TNNI3K: variants seen among roughly 807,000 people sequenced by gnomAD.
The protein encoded by TNNI3K is serine/threonine-protein kinase TNNI3K.
TNNI3K carries 140 observed loss-of-function variants against 114.5 expected under a neutral mutation model. The ratio of observed to expected loss-of-function variants is 1.22; its 90% CI spans 1.07 to 1.41. The LOEUF is 1.41. TNNI3K is among the 40% of genes most tolerant of loss of function. TNNI3K has a pLI of 0.00. For missense variants in TNNI3K, 1,125 were observed against 1,007.6 expected (o/e 1.12, Z -1.58); for synonymous variants, 347 against 347.5 (o/e 1.00, Z 0.02).
intron 5 of TNNI3K, among the ~76,000 whole-genome samples, chr1:74,301,357 G>A (rs1658321447): frequency 6.6e-6 from 1 of 152,128 alleles, no homozygotes; most frequent in African/African-American, 2.4e-5. Context: ...CCGAGATCGA[G>A]CCACTGCACC....
chr1:74,338,324 A>G (rs1570484322), intron 7 of TNNI3K, among the ~76,000 whole-genome samples: 1 of 152,118 alleles, frequency 6.6e-6, no homozygotes, highest in African/African-American at 2.4e-5. Flanking sequence ...ATCAGTTGAT[A>G]GAATAGAATT....
intron 23 of TNNI3K, among the ~76,000 whole-genome samples, chr1:74,508,404 T>C (rs1360731087): frequency 6.6e-6 from 1 of 152,222 alleles, no homozygotes; most frequent in East Asian, 1.9e-4. Flanking sequence ...AAGAAGGTAT[T>C]ATGATTTTTT....
intron 17 of TNNI3K, chr1:74,376,870 G>C (rs996599777): frequency 6.9e-6 from 1 of 145,620 alleles, no homozygotes; most frequent in African/African-American, 2.5e-5. Context: ...GACTGATTCA[G>C]CATGTCTTAC....
intron 17 of TNNI3K, among the ~76,000 whole-genome samples, chr1:74,386,060 C>T (rs543280522): frequency 6.6e-6 from 1 of 152,302 alleles, no homozygotes; most frequent in East Asian, 1.9e-4. Context: ...GATCTGATGG[C>T]TTTACAAAAG....
At chr1:74,358,303 G>T (rs1013791267) in intron 11 of TNNI3K, among the ~76,000 whole-genome samples, 7 of 152,218 alleles carry the variant, frequency 4.6e-5, no homozygotes, top group Non-Finnish European at 8.8e-5. Context: ...GTGACAGGAA[G>T]CTGGAGGTGG....
At chr1:74,397,727 A>T (rs139551858) in intron 17 of TNNI3K, among the ~76,000 whole-genome samples, 1 of 152,326 alleles carries the variant, frequency 6.6e-6, no homozygotes, top group East Asian at 1.9e-4. Context: ...CTGTTTGTGG[A>T]TGGGTCATCC....
In TNNI3K at chr1:74,521,273, T is replaced by C. The variant is rs542653650; in HGVS notation, c.2352-18961T>C. On this transcript the variant is annotated intron_variant, in intron 23 of 24. Transcript: ENST00000326637. Reference sequence around the variant, plus strand: ...TGCGATCTTGCCCAAGCTCATTAACTTCTTTCTAGTTGCTCTTTGCTTCCT... The same window carrying C: ...TGCGATCTTGCCCAAGCTCATTAACCTCTTTCTAGTTGCTCTTTGCTTCCT... Among the ~76,000 whole-genome samples, 30 of 152,276 alleles carry C rather than the reference T, an allele frequency of 2.0e-4. No individual in the cohort carries two copies. The South Asian group carries it at 6.0e-3, about 31-fold the overall frequency.
At chr1:74,497,207 C>G (rs181448844) in intron 23 of TNNI3K, among the ~76,000 whole-genome samples, 164 of 152,136 alleles carry the variant, frequency 1.1e-3, no homozygotes, top group African/African-American at 3.7e-3. Flanking sequence ...ACTGATGTTC[C>G]TAGGAAGAAT....
intron 5 of TNNI3K, among the ~76,000 whole-genome samples, chr1:74,274,298 G>A (rs1384492635): frequency 6.6e-6 from 1 of 151,948 alleles, no homozygotes; most frequent in African/African-American, 2.4e-5. Context: ...AGGAGGAGGA[G>A]GAAGAGGAGG....
At chr1:74,500,224 G>T (rs562389675) in intron 23 of TNNI3K, among the ~76,000 whole-genome samples, 20 of 151,750 alleles carry the variant, frequency 1.3e-4, no homozygotes, top group African/African-American at 4.6e-4. Context: ...TGATTTCATT[G>T]TTTTATACAA....
Position 74,395,630 on chromosome 1 carries a change from G to A in TNNI3K, c.1772+25238G>A, listed in dbSNP as rs140431344. ...CTGAGATGTATCTAAGATACGAAGC[G>A]AGTGCAGAGTCCCAATCCGTGGTTA... is the stretch of plus-strand genomic sequence containing the variant. On this transcript the variant is annotated intron_variant, in intron 17 of 24. Transcript: ENST00000326637. Among the ~76,000 whole-genome samples the A allele has an allele frequency of 4.6e-3, 704 of 152,260 alleles. 6 individuals are homozygous for A. The highest frequency in any genetic ancestry group is 8.1e-3 in the Non-Finnish European group (550 of 68,030).
intron 4 of TNNI3K, among the ~76,000 whole-genome samples, chr1:74,252,784 G>C (rs566241756): frequency 2.0e-5 from 3 of 152,078 alleles, no homozygotes; most frequent in African/African-American, 7.2e-5. Context: ...AGACCTTCGC[G>C]GTGAGTGTTA....
chr1:74,425,914 TTCTAGCTCACAGGGATAGACTGTCTGGTG>T (rs1665616591), intron 17 of TNNI3K, among the ~76,000 whole-genome samples: 1 of 151,998 alleles, frequency 6.6e-6, no homozygotes. Context: ...TGACTAATAC[TTCTAGCTCACAGGGATAGACTGTCTGGTG>T]TCTTGAAAAA....
chr1:74,496,583 T>G (rs1398732878), intron 23 of TNNI3K, among the ~76,000 whole-genome samples: 2 of 152,056 alleles, frequency 1.3e-5, no homozygotes, highest in Non-Finnish European at 2.9e-5. Flanking sequence ...TTTTATGGGG[T>G]TTTTGGTTGT....
chr1:74,268,473 GT>G (rs1470469219), intron 4 of TNNI3K, among the ~76,000 whole-genome samples: 1 of 151,794 alleles, frequency 6.6e-6, no homozygotes, highest in African/African-American at 2.4e-5. Context: ...CTTTTTCCAT[GT>G]TTTATTCCTT....
intron 5 of TNNI3K, among the ~76,000 whole-genome samples, chr1:74,274,577 C>T (rs934306824): frequency 6.6e-6 from 1 of 151,796 alleles, no homozygotes; most frequent in African/African-American, 2.4e-5. Flanking sequence ...TGCAACTGGG[C>T]ACACAAAATA....
At chr1:74,242,052 T>C (rs1207444746) in intron 2 of TNNI3K, among the ~76,000 whole-genome samples, 1 of 152,028 alleles carries the variant, frequency 6.6e-6, no homozygotes. Context: ...GGTTTCACTG[T>C]GTTAGCCAGG....
chr1:74,503,054 A>G lies in TNNI3K; in HGVS notation c.2351+10788A>G, dbSNP rs756022657. 5.3e-5 allele frequency among the ~76,000 whole-genome samples: 8 copies of G among 152,322 alleles called. No individual in the cohort carries two copies. In the South Asian group the frequency reaches 1.2e-3, roughly 24 times the overall value. ...ATGGAACTGAGTACACTGTAAAATT[A>G]GGCTCTTCTTTTCACTTCCTCATTA... On this transcript the variant is annotated intron_variant, in intron 23 of 24. Coordinates refer to ENST00000326637, the MANE Select transcript of TNNI3K (RefSeq NM_015978.3).
chr1:74,520,837 A>G (rs1423370182), intron 23 of TNNI3K, among the ~76,000 whole-genome samples: 1 of 152,122 alleles, frequency 6.6e-6, no homozygotes, highest in Non-Finnish European at 1.5e-5. Flanking sequence ...GAAGCCCCTT[A>G]TGAAATTTAG....
Sources: allele counts gnomAD v4.1 joint callset (sites outside exome capture counted in the v4.1 genomes callset), GRCh38; gene constraint gnomAD v4.1.1; transcripts MANE v1.5; gene names NCBI Gene and HGNC (gene_info 2026-07-23, HGNC 2026-07-21).